The following DGCR8 variants were observed in gnomAD, a reference collection of about 807,000 sequenced individuals.
DGCR8 encodes the protein DGCR8 microprocessor complex subunit.
A neutral mutation model predicts 78.5 loss-of-function variants in DGCR8; 14 were observed. The observed-to-expected ratio is 0.18, with a 90% CI of 0.12 to 0.28. The LOEUF is 0.28. Among genes scored for constraint, DGCR8 ranks in the 10% least tolerant of loss-of-function variants. The pLI, the probability that DGCR8 is intolerant of heterozygous loss-of-function variation, is 1.00. For synonymous variants in DGCR8, 399 were observed against 402.4 expected (o/e 0.99, Z 0.10); for missense variants, 702 against 1,022.5 (o/e 0.69, Z 4.28).
intron 9 of DGCR8, among the ~76,000 whole-genome samples, chr22:20,099,033 T>TG (rs1602490536): frequency 6.6e-6 from 1 of 152,204 alleles, no homozygotes; most frequent in Non-Finnish European, 1.5e-5. Context: ...TCCTGATGCT[T>TG]GGACAGGGAT....
rs2049401012 is a variant in DGCR8, at chr22:20,080,244, C to T, written c.-417C>T. ...CCGCACGCCGCGAAGGCCCGCCCTCCGCTCGCCCGGCGCGGCAGGCGGGTG... is the reference window on the plus strand; with the variant it reads ...CCGCACGCCGCGAAGGCCCGCCCTCTGCTCGCCCGGCGCGGCAGGCGGGTG... On this transcript the variant is annotated 5_prime_UTR_variant, in exon 1 of 14. Coordinates refer to ENST00000351989, the MANE Select transcript of DGCR8 (RefSeq NM_022720.7). 2 of 970,178 alleles carry T rather than the reference C, an allele frequency of 2.1e-6. No homozygotes were observed. The highest frequency in any genetic ancestry group is 1.1e-4 in the East Asian group (1 of 8,712). The allele number at this position is 970,178 out of a possible 1,614,324, so 60.1% of individuals were successfully genotyped here.
chr22:20,101,238 T>G (rs1338671659), intron 9 of DGCR8: 2 of 985,302 alleles, frequency 2.0e-6, no homozygotes, highest in Non-Finnish European at 2.4e-6. Flanking sequence ...GTGCCTTTTG[T>G]ATGTGCCCCT....
chr22:20,089,913 GC>G lies in DGCR8; in HGVS notation c.1024-62del. On this transcript the variant is annotated intron_variant, in intron 4 of 13. Coordinates refer to ENST00000351989, the MANE Select transcript of DGCR8 (RefSeq NM_022720.7). This position sits in a 1 kb window ranked among gnomAD's most constrained non-coding sequence, Gnocchi z 4.9. ...GCAGCCAAGCAGAGGCCGGTGAAAGGCATCAGAGTTTCAGACTCTCGGGTTG... is the reference window on the plus strand; with the variant it reads ...GCAGCCAAGCAGAGGCCGGTGAAAGGATCAGAGTTTCAGACTCTCGGGTTG... The G allele has an allele frequency of 6.3e-7, 1 of 1,586,314 alleles. No homozygotes were observed. Among genetic ancestry groups the G allele is most frequent in the South Asian group, 1.1e-5 (1 of 87,172 alleles).
In DGCR8 at chr22:20,087,279, A is replaced by G. The variant is rs747169966; in HGVS notation, c.838A>G (p.Ser280Gly). 2 of 1,613,758 alleles carry G rather than the reference A, an allele frequency of 1.2e-6. No homozygotes were observed. Among genetic ancestry groups the G allele is most frequent in the Non-Finnish European group, 1.7e-6 (2 of 1,179,732 alleles). ...DSDHPSDGET[S>G]VQPMMTKIKT... ...CGACCATCCGTCCGATGGAGAGACAAGTGTGCAGCCGATGATGACCAAGAT... is the reference window on the plus strand; with the variant it reads ...CGACCATCCGTCCGATGGAGAGACAGGTGTGCAGCCGATGATGACCAAGAT... The change falls in exon 3 of 14, where the codon AGT (serine) becomes GGT (glycine). Residue 280 changes from serine (S) to glycine (G), a missense_variant. This residue lies in a region of DGCR8 where 356 missense variants were observed against 448.9 expected (regional missense o/e 0.79). Coordinates refer to ENST00000351989, the MANE Select transcript of DGCR8 (RefSeq NM_022720.7). This position sits in a 1 kb window ranked among gnomAD's most constrained non-coding sequence, Gnocchi z 4.1.
Position 20,108,997 on chromosome 22 carries a change from G to T in DGCR8, c.2232G>T (p.Glu744Asp). ...AAGAGGAGATGAAGAGGCTAGCTGA[G>T]GAAAGGGTGAGTGCCACCCTAGCGG... is the stretch of plus-strand genomic sequence containing the variant. ...KLQEEMKRLA[E>D]EREETRKKPK... is the part of the protein sequence containing the mutation. The change falls in exon 13 of 14, where the codon GAG becomes GAT. Residue 744 changes from glutamate to aspartate, a missense_variant. By Grantham distance (45) the Glu-to-Asp change is conservative (BLOSUM62 2). Transcript: ENST00000351989. 6.3e-7 allele frequency: 1 copy of T among 1,583,636 alleles called. No homozygotes were observed. The highest frequency in any genetic ancestry group is 1.1e-5 in the South Asian group (1 of 90,394).
At chr22:20,093,611 C>T (rs2049592319) in intron 8 of DGCR8, among the ~76,000 whole-genome samples, 2 of 152,174 alleles carry the variant, frequency 1.3e-5, no homozygotes, top group Non-Finnish European at 2.9e-5. Flanking sequence ...CTGTTGGCAT[C>T]CTCCCCCAGT....
chr22:20,102,084 T>C (rs565032520), intron 9 of DGCR8: 3 of 983,460 alleles, frequency 3.1e-6, no homozygotes, highest in East Asian at 2.3e-4. Context: ...TGTTTTCTTT[T>C]TTTTTTTTCA....
chr22:20,086,645 GAC>G lies in DGCR8; in HGVS notation c.684_685del (p.Asp228GlufsTer4), dbSNP rs755366185. 6.2e-7 allele frequency: 1 copy of G among 1,610,826 alleles called. No homozygotes were observed. The highest frequency in any genetic ancestry group is 1.7e-5 in the Admixed American group (1 of 60,000). ...GFTAKAIVQR[D>X]RVDEEALNFP... ...CACGGCTAAAGCAATCGTTCAGAGA[GAC>G]AGAGTGGATGAAGAGGCCTTGAATT... On this transcript the variant is annotated frameshift_variant, in exon 2 of 14. Transcript: ENST00000351989. LOFTEE classifies it high-confidence loss of function. The surrounding 1 kb of genome is among the most constrained non-coding windows in gnomAD (Gnocchi z 6.4).
chr22:20,085,920 T>A lies in DGCR8; in HGVS notation c.-44T>A. 6.6e-7 allele frequency: 1 copy of A among 1,508,272 alleles called. No individual in the cohort carries two copies. Among genetic ancestry groups the A allele is most frequent in the African/African-American group, 1.4e-5 (1 of 71,836 alleles). The allele number at this position is 1,508,272 out of a possible 1,614,324, so 93.4% of individuals were successfully genotyped here. A position where few individuals can be genotyped will look rare whatever the true frequency, so the allele number is the denominator to read the frequency against. ...TAGCTGTGTAGATTTATGTGAGGGC[T>A]TGTAAAACTCTGGTCTTGTAAACTA... On this transcript the variant is annotated 5_prime_UTR_variant, in exon 2 of 14. In the 5' UTR this introduces an upstream ATG that the reference lacks. Coordinates refer to ENST00000351989, the MANE Select transcript of DGCR8 (RefSeq NM_022720.7). This position sits in a 1 kb window ranked among gnomAD's most constrained non-coding sequence, Gnocchi z 6.2.
rs2049855956 is a variant in DGCR8, at chr22:20,111,801, C to T, written c.*1693C>T. 4.6e-6 allele frequency: 1 copy of T among 215,384 alleles called. No homozygotes were observed. The highest frequency in any genetic ancestry group is 9.1e-6 in the Non-Finnish European group (1 of 109,306). 13.3% of individuals were successfully genotyped at this position (215,384 alleles called of 1,614,324 possible). ...GGGGCAGGGGAGCCTGTGCTGATGCCATCCAGGGCACTGGGCTGTGCCTGG... is the reference window on the plus strand; with the variant it reads ...GGGGCAGGGGAGCCTGTGCTGATGCTATCCAGGGCACTGGGCTGTGCCTGG... On this transcript the variant is annotated 3_prime_UTR_variant, in exon 14 of 14. Coordinates refer to ENST00000351989, the MANE Select transcript of DGCR8 (RefSeq NM_022720.7).
Position 20,110,086 on chromosome 22 carries a change from C to A in DGCR8, c.2300C>A (p.Pro767His). 1 of 1,611,614 alleles carries A rather than the reference C, an allele frequency of 6.2e-7. No homozygotes were observed. The highest frequency in any genetic ancestry group is 8.5e-7 in the Non-Finnish European group (1 of 1,179,986). Residue 767 changes from proline to histidine, a missense_variant, in exon 14 of 14, where the codon CCC becomes CAC. Physicochemically the swap from Pro to His is moderately conservative, Grantham distance 77. This residue lies in a region of DGCR8 where 225 missense variants were observed against 427.7 expected (regional missense o/e 0.53). Coordinates refer to ENST00000351989, the MANE Select transcript of DGCR8 (RefSeq NM_022720.7). ...IVASAQPGGE[P>H]LCTVDV ...GCGTCCGCCCAGCCTGGCGGTGAGC[C>A]CCTGTGCACCGTGGACGTGTGAGGG...
Position 20,107,260 on chromosome 22 carries a change from T to A in DGCR8, c.1997-11T>A. ...TGACCCCCTCTCCATGCTTGCTCTTTCTCTGTGTAGGTAAGAACAAGAGAG... is the reference window on the plus strand; with the variant it reads ...TGACCCCCTCTCCATGCTTGCTCTTACTCTGTGTAGGTAAGAACAAGAGAG... On this transcript the variant is annotated splice_polypyrimidine_tract_variant and intron_variant, in intron 11 of 13. Coordinates refer to ENST00000351989, the MANE Select transcript of DGCR8 (RefSeq NM_022720.7). The A allele has an allele frequency of 6.2e-7, 1 of 1,614,100 alleles. No homozygotes were observed. The highest frequency in any genetic ancestry group is 8.5e-7 in the Non-Finnish European group (1 of 1,179,988).
intron 1 of DGCR8, among the ~76,000 whole-genome samples, chr22:20,082,901 G>A (rs1235510143): frequency 6.6e-6 from 1 of 152,196 alleles, no homozygotes. Context: ...ATCAGCTGAT[G>A]CCACTGTGTG....
Position 20,110,169 on chromosome 22 carries a change from T to C in DGCR8, c.*61T>C. 2.6e-6 allele frequency: 4 copies of C among 1,528,904 alleles called. No individual in the cohort carries two copies. Among genetic ancestry groups the C allele is most frequent in the Non-Finnish European group, 3.6e-6 (4 of 1,117,792 alleles). 94.7% of individuals were successfully genotyped at this position (1,528,904 alleles called of 1,614,324 possible). On this transcript the variant is annotated 3_prime_UTR_variant, in exon 14 of 14. Coordinates refer to ENST00000351989, the MANE Select transcript of DGCR8 (RefSeq NM_022720.7). The stretch of plus-strand genomic sequence containing the variant: ...GCCGCACTTCTGAGGAGACCAGCAG[T>C]CATGCATCGTGCACCACAGTGTCAG...
rs1014598141 is a variant in DGCR8 at position 20,111,107 on chromosome 22, C to T, written c.*999C>T. 28 of 398,210 alleles carry T rather than the reference C, an allele frequency of 7.0e-5. No homozygotes were observed. Among genetic ancestry groups the T allele is most frequent in the Admixed American group, 2.2e-4 (5 of 22,712 alleles). The allele number at this position is 398,210 out of a possible 1,614,324, so 24.7% of individuals were successfully genotyped here. A position where few individuals can be genotyped will look rare whatever the true frequency, so the allele number is the denominator to read the frequency against. On this transcript the variant is annotated 3_prime_UTR_variant, in exon 14 of 14. Transcript: ENST00000351989. ...GATCCAGAGCTGTTGCCTGTGACAGCGGTTTCTCTGGATGTCAAAGGCAGC... is the reference window on the plus strand; with the variant it reads ...GATCCAGAGCTGTTGCCTGTGACAGTGGTTTCTCTGGATGTCAAAGGCAGC...
chr22:20,101,680 T>C (rs2049703962), intron 9 of DGCR8: 1 of 985,418 alleles, frequency 1.0e-6, no homozygotes, highest in Non-Finnish European at 1.2e-6. Flanking sequence ...TGGGGGTGTT[T>C]AGACAGGGGT....
At position 20,111,774 on chromosome 22, in the gene DGCR8, C is replaced by T. The variant is rs9618740; in HGVS notation, c.*1666C>T. ...TCGTGCACACAGCCATGCTTCAAGG[C>T]CGGGGCAGGGGAGCCTGTGCTGATG... On this transcript the variant is annotated 3_prime_UTR_variant, in exon 14 of 14. Coordinates refer to ENST00000351989, the MANE Select transcript of DGCR8 (RefSeq NM_022720.7). 3.9e-5 allele frequency: 9 copies of T among 228,364 alleles called. No homozygotes were observed. The East Asian group carries it at 6.1e-4, about 15-fold the overall frequency. The allele number at this position is 228,364 out of a possible 1,614,324, so 14.1% of individuals were successfully genotyped here. A position where few individuals can be genotyped will look rare whatever the true frequency, so the allele number is the denominator to read the frequency against.
chr22:20,085,906 A>G lies in DGCR8; in HGVS notation c.-58A>G. On this transcript the variant is annotated 5_prime_UTR_variant, in exon 2 of 14. Transcript: ENST00000351989. The surrounding 1 kb of genome is among the most constrained non-coding windows in gnomAD (Gnocchi z 6.2). ...GGACTTGTGCATGTTAGCTGTGTAG[A>G]TTTATGTGAGGGCTTGTAAAACTCT... The G allele has an allele frequency of 6.6e-7, 1 of 1,511,926 alleles. No individual in the cohort carries two copies. Among genetic ancestry groups the G allele is most frequent in the Non-Finnish European group, 8.8e-7 (1 of 1,137,674 alleles). 93.7% of individuals were successfully genotyped at this position (1,511,926 alleles called of 1,614,324 possible). A position where few individuals can be genotyped will look rare whatever the true frequency, so the allele number is the denominator to read the frequency against.
Position 20,086,430 on chromosome 22 carries a change from G to C in DGCR8, c.467G>C (p.Ser156Thr). 6.2e-6 allele frequency: 10 copies of C among 1,614,038 alleles called. No individual in the cohort carries two copies. Among genetic ancestry groups the C allele is most frequent in the Non-Finnish European group, 8.5e-6 (10 of 1,180,030 alleles). ...AECGLLLSPV[S>T]GDVHACPFGG... The stretch of plus-strand genomic sequence containing the variant: ...TGCGGTCTGCTCCTTAGCCCTGTCA[G>C]TGGGGACGTGCATGCTTGTCCCTTT... Residue 156 changes from serine (S) to threonine (T), a missense_variant, in exon 2 of 14, where the codon AGT (serine) becomes ACT (threonine). By Grantham distance (58) the Ser-to-Thr change is moderately conservative. Coordinates refer to ENST00000351989, the MANE Select transcript of DGCR8 (RefSeq NM_022720.7). This position sits in a 1 kb window ranked among gnomAD's most constrained non-coding sequence, Gnocchi z 6.4.
Sources: gnomAD v4.1 joint callset for allele counts (sites outside exome capture counted in the v4.1 genomes callset) on GRCh38, gnomAD v4.1.1 for gene constraint, gnomAD v4.1.1 regional missense constraint, Gnocchi (gnomAD v3.1) non-coding constraint, MANE v1.5 for transcripts, NCBI Gene and HGNC (gene_info 2026-07-23, HGNC 2026-07-21) for gene names.